CTNNA2: variants seen among roughly 807,000 people sequenced by gnomAD.
The protein encoded by CTNNA2 is catenin alpha 2, also known as catenin alpha-2.
A neutral mutation model predicts 101.0 loss-of-function variants in CTNNA2; 42 were observed. That is an observed-to-expected ratio of 0.42 (90% CI 0.32 to 0.54). The LOEUF (loss-of-function observed/expected upper bound fraction) is 0.54. CTNNA2 is among the 20% of genes least tolerant of loss of function. CTNNA2 has a pLI of 0.14. For synonymous variants in CTNNA2, 450 were observed against 456.4 expected (o/e 0.99, Z 0.18); for missense variants, 871 against 1,223.1 (o/e 0.71, Z 4.29).
rs540659327 is a variant in CTNNA2, at chr2:80,581,434, A to AT, written c.1894-267dup. On this transcript the variant is annotated intron_variant, in intron 13 of 18. Coordinates refer to ENST00000402739, the MANE Select transcript of CTNNA2 (RefSeq NM_001282597.3). ...TGGGTGGAAATAATACACAGATATCATTTTTCTTAAAATTAGCATATCACT... is the reference window on the plus strand; with the variant it reads ...TGGGTGGAAATAATACACAGATATCATTTTTTCTTAAAATTAGCATATCACT... Among the ~76,000 whole-genome samples, 9 of 152,258 alleles carry AT rather than the reference A, an allele frequency of 5.9e-5. 1 individual carries two copies. The South Asian group carries it at 1.9e-3, about 32-fold the overall frequency.
chr2:79,380,958 G>A (rs1022834507), intron 4 of CTNNA2, among the ~76,000 whole-genome samples: 1 of 152,210 alleles, frequency 6.6e-6, no homozygotes, highest in Admixed American at 6.5e-5. Context: ...GTCTGGTACA[G>A]GGATCAGGCA....
At chr2:79,213,862 A>G (rs980779697) in intron 2 of CTNNA2, among the ~76,000 whole-genome samples, 3 of 152,200 alleles carry the variant, frequency 2.0e-5, no homozygotes, top group Non-Finnish European at 2.9e-5. Flanking sequence ...TGAGAACTGT[A>G]GAGAGTGAGT....
intron 3 of CTNNA2, among the ~76,000 whole-genome samples, chr2:79,791,042 T>G (rs1209433962): frequency 6.6e-6 from 1 of 152,214 alleles, no homozygotes; most frequent in Non-Finnish European, 1.5e-5. Flanking sequence ...TAAACCTACT[T>G]GTATTCAACT....
intron 17 of CTNNA2, among the ~76,000 whole-genome samples, chr2:80,612,738 C>T (rs1461148966): frequency 6.6e-6 from 1 of 151,360 alleles, no homozygotes; most frequent in Non-Finnish European, 1.5e-5. Flanking sequence ...CATTAAGCAA[C>T]CTTTTTTTCT....
chr2:80,403,021 C>A (rs1027744655), intron 8 of CTNNA2, among the ~76,000 whole-genome samples: 1 of 151,776 alleles, frequency 6.6e-6, no homozygotes, highest in African/African-American at 2.4e-5. Flanking sequence ...TCAGTAATCA[C>A]AATAAATAAT....
At chr2:80,175,683 A>AT (rs550682756) in intron 7 of CTNNA2, among the ~76,000 whole-genome samples, 67 of 152,284 alleles carry the variant, frequency 4.4e-4, no homozygotes, top group African/African-American at 1.6e-3. Flanking sequence ...GACTCACATG[A>AT]TCACAAGGTG....
intron 7 of CTNNA2, among the ~76,000 whole-genome samples, chr2:80,168,751 T>G (rs1222567264): frequency 6.6e-6 from 1 of 152,204 alleles, no homozygotes; most frequent in Non-Finnish European, 1.5e-5. Flanking sequence ...TGTCTATGGG[T>G]GGGACCAGGT....
At chr2:79,540,752 AG>A (rs1311349745) in intron 1 of CTNNA2, among the ~76,000 whole-genome samples, 1 of 152,094 alleles carries the variant, frequency 6.6e-6, no homozygotes, top group Non-Finnish European at 1.5e-5. Flanking sequence ...CATTTAAAAA[AG>A]ATCTTTGATT....
intron 4 of CTNNA2, among the ~76,000 whole-genome samples, chr2:79,427,118 G>A (rs910226519): frequency 1.3e-5 from 2 of 151,792 alleles, no homozygotes; most frequent in African/African-American, 4.8e-5. Context: ...TAATTCTGAG[G>A]ACAGGTTGCA....
intron 7 of CTNNA2, among the ~76,000 whole-genome samples, chr2:80,297,046 C>A (rs1675809511): frequency 2.0e-5 from 3 of 152,148 alleles, no homozygotes. Context: ...ATGTACTGGC[C>A]ATTTCTTCTC....
At chr2:80,463,004 A>G (rs1000825595) in intron 9 of CTNNA2, among the ~76,000 whole-genome samples, 5 of 151,980 alleles carry the variant, frequency 3.3e-5, no homozygotes, top group Non-Finnish European at 4.4e-5. Context: ...TCCAGATTCT[A>G]TGGTTCCTGT....
chr2:79,861,329 G>C (rs188549127), intron 4 of CTNNA2, among the ~76,000 whole-genome samples: 11 of 152,168 alleles, frequency 7.2e-5, no homozygotes, highest in East Asian at 5.8e-4. Flanking sequence ...TCTCATCTCT[G>C]AGTAACTCAG....
intron 3 of CTNNA2, among the ~76,000 whole-genome samples, chr2:79,818,490 T>C (rs975425495): frequency 6.6e-6 from 1 of 151,652 alleles, no homozygotes; most frequent in Non-Finnish European, 1.5e-5. Context: ...TTTTTTTTTG[T>C]ATTTTTAGTA....
At chr2:79,720,536 T>C (rs112492286) in intron 2 of CTNNA2, among the ~76,000 whole-genome samples, 1 of 152,292 alleles carries the variant, frequency 6.6e-6, no homozygotes, top group African/African-American at 2.4e-5. Context: ...TGGAACGCTT[T>C]TCATTTATTC....
chr2:79,195,153 A>G (rs1401331256), intron 1 of CTNNA2, among the ~76,000 whole-genome samples: 2 of 152,128 alleles, frequency 1.3e-5, no homozygotes, highest in South Asian at 2.1e-4. Context: ...TTTCTTACCA[A>G]TATGCCTCTA....
rs554495116 is a variant in CTNNA2, at chr2:80,544,886, T to C, written c.1291-96T>C. ...TATCTTATTTCTGAAAGAATTCTCCTGGAAGAGACATCTGCCAGAGAAGGT... is the reference window on the plus strand; with the variant it reads ...TATCTTATTTCTGAAAGAATTCTCCCGGAAGAGACATCTGCCAGAGAAGGT... On this transcript the variant is annotated intron_variant, in intron 9 of 18. Transcript: ENST00000402739. The C allele has an allele frequency of 9.1e-5, 92 of 1,007,824 alleles. 1 individual carries two copies. In the South Asian group the frequency reaches 1.5e-3, roughly 16 times the overall value. The allele number at this position is 1,007,824 out of a possible 1,614,324, so 62.4% of individuals were successfully genotyped here.
chr2:79,365,264 G>A (rs62156650), intron 3 of CTNNA2, among the ~76,000 whole-genome samples: 3,285 of 147,366 alleles, frequency 0.022, 41 homozygotes, highest in Middle Eastern at 0.034. Context: ...GCAACAGAGC[G>A]AGACTCCATC....
chr2:80,067,837 C>T (rs1188055456), intron 7 of CTNNA2, among the ~76,000 whole-genome samples: 3 of 152,116 alleles, frequency 2.0e-5, no homozygotes, highest in Non-Finnish European at 4.4e-5. Flanking sequence ...CCTAAGGCCT[C>T]TTGTCAACAG....
intron 7 of CTNNA2, among the ~76,000 whole-genome samples, chr2:79,996,940 A>G (rs1056684561): frequency 6.6e-6 from 1 of 152,128 alleles, no homozygotes; most frequent in Non-Finnish European, 1.5e-5. Flanking sequence ...AGAGATGACT[A>G]AGCAGAAAAG....
Sources: allele counts gnomAD v4.1 joint callset (sites outside exome capture counted in the v4.1 genomes callset), GRCh38; gene constraint gnomAD v4.1.1; transcripts MANE v1.5; gene names NCBI Gene and HGNC (gene_info 2026-07-23, HGNC 2026-07-21).